The following SHISA9 variants were observed in gnomAD, a reference collection of about 807,000 sequenced individuals.
SHISA9 encodes protein shisa-9.
SHISA9 carries 13 observed loss-of-function variants against 38.0 expected under a neutral mutation model. The ratio of observed to expected loss-of-function variants is 0.34; its 90% CI spans 0.22 to 0.54. The LOEUF is 0.54. Ranked by LOEUF, SHISA9 falls within the 20% of genes least tolerant of loss-of-function variation. The pLI, the probability that SHISA9 is intolerant of heterozygous loss-of-function variation, is 0.91. For missense variants in SHISA9, 538 were observed against 575.8 expected, an observed-to-expected ratio of 0.93 and a Z score of 0.67; for synonymous variants, 275 against 242.0, an observed-to-expected ratio of 1.14 and a Z score of -1.27.
chr16:13,011,100 G>T (rs915048768), intron 2 of SHISA9, among the ~76,000 whole-genome samples: 1 of 152,190 alleles, frequency 6.6e-6, no homozygotes, highest in Non-Finnish European at 1.5e-5. Context: ...CTAAGAGCCT[G>T]TTGTAATGGA....
At chr16:13,268,758 T>C in the SHISA9 span, among the ~76,000 whole-genome samples, 1 of 152,170 alleles carries the variant, frequency 6.6e-6, no homozygotes, top group Non-Finnish European at 1.5e-5. Context: ...CCTTTCATTT[T>C]AAAAAATCAA....
chr16:12,905,282 A>T (rs1364816106), intron 1 of SHISA9, among the ~76,000 whole-genome samples: 3 of 152,228 alleles, frequency 2.0e-5, no homozygotes, highest in Admixed American at 1.3e-4. Flanking sequence ...GAAATTATGC[A>T]TTACCAGTCT....
At chr16:13,516,393 C>G in the SHISA9 span, among the ~76,000 whole-genome samples, 1 of 152,026 alleles carries the variant, frequency 6.6e-6, no homozygotes, top group Non-Finnish European at 1.5e-5. Context: ...TGGAGAAAAC[C>G]CCTACAGAAG....
At chr16:13,116,316 C>T (rs1393156269) in intron 2 of SHISA9, among the ~76,000 whole-genome samples, 6 of 152,182 alleles carry the variant, frequency 3.9e-5, no homozygotes. Flanking sequence ...GGTTCTCATT[C>T]ATGGACACTT....
At chr16:13,480,785 C>G in the SHISA9 span, among the ~76,000 whole-genome samples, 7 of 152,134 alleles carry the variant, frequency 4.6e-5, no homozygotes, top group Non-Finnish European at 8.8e-5. Flanking sequence ...CCAGTGATCC[C>G]TTTGCTAGAA....
At chr16:13,104,105 C>A (rs2073904227) in intron 2 of SHISA9, among the ~76,000 whole-genome samples, 1 of 152,150 alleles carries the variant, frequency 6.6e-6, no homozygotes, top group African/African-American at 2.4e-5. Flanking sequence ...AAGCTTCTTG[C>A]TTTCTTCTTC....
intron 2 of SHISA9, among the ~76,000 whole-genome samples, chr16:12,994,615 C>G (rs1407091524): frequency 1.3e-5 from 2 of 152,212 alleles, no homozygotes; most frequent in Non-Finnish European, 2.9e-5. Context: ...ATTTGACCTA[C>G]ATTCTGAGAA....
intron 2 of SHISA9, among the ~76,000 whole-genome samples, chr16:13,066,641 A>G (rs1313434217): frequency 6.6e-6 from 1 of 152,248 alleles, no homozygotes; most frequent in African/African-American, 2.4e-5. Context: ...AATATTAACC[A>G]TGCCTGCCTC....
intron 2 of SHISA9, among the ~76,000 whole-genome samples, chr16:13,161,151 GAA>G (rs2050591843): frequency 3.9e-5 from 6 of 152,172 alleles, no homozygotes; most frequent in Admixed American, 3.9e-4. Flanking sequence ...GAGGCAGAGA[GAA>G]TTATAGTCTA....
intron 2 of SHISA9, among the ~76,000 whole-genome samples, chr16:13,138,013 A>G (rs2050365523): frequency 6.6e-6 from 1 of 152,156 alleles, no homozygotes; most frequent in Non-Finnish European, 1.5e-5. Context: ...GGTAAAATAG[A>G]TTTCTGGGCT....
the SHISA9 span, among the ~76,000 whole-genome samples, chr16:13,290,042 C>G: frequency 6.6e-6 from 1 of 152,128 alleles, no homozygotes; most frequent in Admixed American, 6.5e-5. Flanking sequence ...ATTTACTATT[C>G]TATGCCCTGG....
chr16:13,444,981 G>A, the SHISA9 span, among the ~76,000 whole-genome samples: 1 of 76,216 alleles, frequency 1.3e-5, no homozygotes, highest in Non-Finnish European at 2.7e-5. Context: ...ACCATGCCTA[G>A]CTATATATAT....
At chr16:12,970,081 T>A (rs1328616189) in intron 2 of SHISA9, among the ~76,000 whole-genome samples, 1 of 151,548 alleles carries the variant, frequency 6.6e-6, no homozygotes, top group African/African-American at 2.4e-5. Context: ...AAATGGGCTT[T>A]ATTATGTTAT....
intron 2 of SHISA9, among the ~76,000 whole-genome samples, chr16:13,141,952 A>G (rs991932007): frequency 1.3e-5 from 2 of 152,202 alleles, no homozygotes; most frequent in Non-Finnish European, 2.9e-5. Context: ...CACATTGACA[A>G]CCCTGGAGAG....
At chr16:13,543,649 G>A in the SHISA9 span, among the ~76,000 whole-genome samples, 1 of 152,066 alleles carries the variant, frequency 6.6e-6, no homozygotes, top group Non-Finnish European at 1.5e-5. Context: ...CACAGAGTCC[G>A]TGACACCAGG....
At chr16:13,521,421 T>C in the SHISA9 span, among the ~76,000 whole-genome samples, 1 of 152,250 alleles carries the variant, frequency 6.6e-6, no homozygotes, top group Non-Finnish European at 1.5e-5. Flanking sequence ...TAATGCCCTG[T>C]ATCACACATA....
chr16:13,333,871 C>T, the SHISA9 span, among the ~76,000 whole-genome samples: 66 of 152,302 alleles, frequency 4.3e-4, no homozygotes, highest in African/African-American at 1.5e-3. Context: ...ATTAAAACTT[C>T]ATAACCTTGT....
intron 2 of SHISA9, among the ~76,000 whole-genome samples, chr16:12,987,034 T>C (rs1403397482): frequency 6.6e-6 from 1 of 152,200 alleles, no homozygotes; most frequent in Non-Finnish European, 1.5e-5. Flanking sequence ...TGTTTCCTGG[T>C]CATCTCAATA....
At chr16:13,234,830 C>T (rs2051365290) in intron 4 of SHISA9, among the ~76,000 whole-genome samples, 200 bp from the exon 5 acceptor site, 1 of 151,988 alleles carries the variant, frequency 6.6e-6, no homozygotes, top group Non-Finnish European at 1.5e-5. Context: ...TGGTCCTGCT[C>T]TTTGTTTGTG....
Sources: gnomAD v4.1 joint callset for allele counts (sites outside exome capture counted in the v4.1 genomes callset) on GRCh38, gnomAD v4.1.1 for gene constraint, MANE v1.5 for transcripts, NCBI Gene and HGNC (gene_info 2026-07-23, HGNC 2026-07-21) for gene names.